SBF2: variants seen among roughly 807,000 people sequenced by gnomAD.
SBF2 encodes SET binding factor 2, also known as myotubularin-related protein 13.
In SBF2, 112 loss-of-function variants were observed where a neutral mutation model predicts 225.2. That is an observed-to-expected ratio of 0.50 (90% CI 0.43 to 0.58). The LOEUF (loss-of-function observed/expected upper bound fraction) is 0.58. SBF2 is among the 20% of genes least tolerant of loss of function. The pLI is 0.00. For synonymous variants in SBF2, 763 were observed against 773.3 expected, an observed-to-expected ratio of 0.99 and a Z score of 0.22; for missense variants, 1,996 against 2,206.2, an observed-to-expected ratio of 0.90 and a Z score of 1.91.
At chr11:9,901,458 C>T (rs1220233349) in intron 16 of SBF2, among the ~76,000 whole-genome samples, 1 of 152,100 alleles carries the variant, frequency 6.6e-6, no homozygotes, top group East Asian at 1.9e-4. Context: ...GAATTCCTGG[C>T]CATAACAGGA....
chr11:10,224,942 T>C (rs1315524054), intron 1 of SBF2, among the ~76,000 whole-genome samples: 2 of 152,208 alleles, frequency 1.3e-5, no homozygotes, highest in Admixed American at 6.5e-5. Flanking sequence ...GAGTAAGTGA[T>C]GGTGCTTATA....
intron 16 of SBF2, among the ~76,000 whole-genome samples, chr11:9,942,157 G>A (rs1293419114): frequency 6.6e-6 from 1 of 152,086 alleles, no homozygotes; most frequent in Non-Finnish European, 1.5e-5. Context: ...CTGCACCCTC[G>A]AGTGGGCTCA....
intron 2 of SBF2, among the ~76,000 whole-genome samples, chr11:10,102,536 T>C (rs1372320867): frequency 1.3e-5 from 2 of 152,164 alleles, no homozygotes; most frequent in Non-Finnish European, 2.9e-5. Context: ...TGAAAGACAA[T>C]GTAATTTTGT....
intron 28 of SBF2, among the ~76,000 whole-genome samples, chr11:9,819,853 C>A (rs1854654936): frequency 6.6e-6 from 1 of 152,208 alleles, no homozygotes; most frequent in South Asian, 2.1e-4. Flanking sequence ...GCCACGCTAT[C>A]TTCCTTCTTC....
At chr11:10,052,021 T>G (rs1950084189) in intron 2 of SBF2, among the ~76,000 whole-genome samples, 1 of 152,100 alleles carries the variant, frequency 6.6e-6, no homozygotes. Context: ...TAAGTCACAC[T>G]TCTGACAGGA....
chr11:9,938,041 C>T (rs1865003211), intron 16 of SBF2, among the ~76,000 whole-genome samples: 1 of 127,168 alleles, frequency 7.9e-6, no homozygotes, highest in Admixed American at 9.0e-5. Context: ...ACTTGTAATC[C>T]CAGCACTTTG....
At chr11:10,160,052 C>T (rs1955663354) in intron 2 of SBF2, among the ~76,000 whole-genome samples, 1 of 151,998 alleles carries the variant, frequency 6.6e-6, no homozygotes, top group East Asian at 1.9e-4. Context: ...CAAGGTGAAC[C>T]CCTTGGGCAG....
intron 6 of SBF2, among the ~76,000 whole-genome samples, chr11:10,023,113 A>G (rs1224890224): frequency 6.6e-6 from 1 of 152,214 alleles, no homozygotes; most frequent in Non-Finnish European, 1.5e-5. Context: ...TCTAAAAAAG[A>G]TAATTGCCCT....
chr11:9,896,590 G>A (rs956882419), intron 16 of SBF2, among the ~76,000 whole-genome samples: 36 of 152,156 alleles, frequency 2.4e-4, no homozygotes, highest in African/African-American at 8.4e-4. Context: ...TCAGGAGTTC[G>A]AGACCAGCCT....
intron 14 of SBF2, among the ~76,000 whole-genome samples, chr11:9,964,477 A>G (rs925252764): frequency 2.0e-5 from 3 of 152,220 alleles, no homozygotes; most frequent in African/African-American, 7.2e-5. Context: ...GCAAACATCT[A>G]TTTTAAACTT....
chr11:9,952,699 C>T (rs1302718747), intron 16 of SBF2, among the ~76,000 whole-genome samples: 1 of 152,088 alleles, frequency 6.6e-6, no homozygotes, highest in Non-Finnish European at 1.5e-5. Flanking sequence ...ATGCAATCTG[C>T]TTACTTTAAC....
intron 1 of SBF2, among the ~76,000 whole-genome samples, chr11:10,291,657 AACACACACACACACACACACAC>A (rs10580039): frequency 1.4e-5 from 2 of 145,970 alleles, no homozygotes; most frequent in African/African-American, 5.2e-5. Context: ...TAATCCACTA[AACACACACACACACACACACAC>A]ACACACACAC....
intron 2 of SBF2, among the ~76,000 whole-genome samples, chr11:10,159,503 C>T (rs1461371931): frequency 1.3e-5 from 2 of 152,168 alleles, no homozygotes; most frequent in Non-Finnish European, 2.9e-5. Flanking sequence ...GGCCCCCACC[C>T]AGGAACTGAC....
At position 10,238,697 on chromosome 11, in the gene SBF2, G is replaced by C. The variant is rs549866571; in HGVS notation, c.56-44710C>G. Among the ~76,000 whole-genome samples the C allele has an allele frequency of 3.6e-4, 55 of 150,890 alleles. 1 individual carries two copies. Among genetic ancestry groups the C allele is most frequent in the African/African-American group, 1.3e-3 (55 of 41,418 alleles). On this transcript the variant is annotated intron_variant, in intron 1 of 39. Transcript: ENST00000256190. ...GGAGGCTGAGGTGGGTGGATCACCTGAGGTCAGGAGTTTGAGACCAGCCTA... is the reference window on the plus strand; with the variant it reads ...GGAGGCTGAGGTGGGTGGATCACCTCAGGTCAGGAGTTTGAGACCAGCCTA...
chr11:10,282,104 C>T (rs1216077463), intron 1 of SBF2, among the ~76,000 whole-genome samples: 1 of 152,168 alleles, frequency 6.6e-6, no homozygotes, highest in Non-Finnish European at 1.5e-5. Flanking sequence ...TTATTAAATC[C>T]ATAAGCCTAT....
At chr11:10,115,830 T>C (rs975903433) in intron 2 of SBF2, among the ~76,000 whole-genome samples, 3 of 152,192 alleles carry the variant, frequency 2.0e-5, no homozygotes, top group Non-Finnish European at 2.9e-5. Flanking sequence ...GGTAGAAAAG[T>C]AAGTTATAAT....
At chr11:10,194,832 A>C (rs1303636858) in intron 1 of SBF2, among the ~76,000 whole-genome samples, 2 of 152,060 alleles carry the variant, frequency 1.3e-5, no homozygotes, top group African/African-American at 4.8e-5. Context: ...AGACTGACTG[A>C]TACGTATGAA....
At chr11:10,255,443 T>C (rs958371714) in intron 1 of SBF2, among the ~76,000 whole-genome samples, 5 of 152,152 alleles carry the variant, frequency 3.3e-5, no homozygotes, top group African/African-American at 1.2e-4. Context: ...TGGTTATAAA[T>C]ATTTGAAATA....
chr11:10,118,109 C>T (rs1590995753), intron 2 of SBF2, among the ~76,000 whole-genome samples: 2 of 152,266 alleles, frequency 1.3e-5, no homozygotes, highest in South Asian at 2.1e-4. Flanking sequence ...TATTAGAATT[C>T]ACCTTTCCTT....
Sources: gnomAD v4.1 joint callset for allele counts (sites outside exome capture counted in the v4.1 genomes callset) on GRCh38, gnomAD v4.1.1 for gene constraint, MANE v1.5 for transcripts, NCBI Gene and HGNC (gene_info 2026-07-23, HGNC 2026-07-21) for gene names.